Variants in POLR1A observed in about 807,000 individuals in gnomAD.
POLR1A encodes DNA-directed RNA polymerase I subunit RPA1.
Under a neutral mutation model 205.3 loss-of-function variants are expected in POLR1A, and 84 were observed. The observed-to-expected ratio is 0.41, with a 90% CI of 0.34 to 0.49. POLR1A has a LOEUF of 0.49. Ranked by LOEUF, POLR1A falls within the 20% of genes least tolerant of loss-of-function variation. The probability of loss-of-function intolerance (pLI) is 0.22; values close to 1 mark genes in which losing one functional copy is unlikely to be tolerated. For synonymous variants in POLR1A, 799 were observed against 863.7 expected (o/e 0.93, Z 1.31); for missense variants, 1,645 against 2,204.5 (o/e 0.75, Z 5.08).
intron 14 of POLR1A, among the ~76,000 whole-genome samples, chr2:86,055,379 A>G (rs773397558): frequency 9.2e-5 from 14 of 152,328 alleles, no homozygotes; most frequent in Middle Eastern, 3.4e-3. Context: ...AGCAGGGGAC[A>G]ATGGACAACA....
At chr2:86,085,831 G>A (rs751562964) in intron 6 of POLR1A, among the ~76,000 whole-genome samples, 6 of 152,196 alleles carry the variant, frequency 3.9e-5, no homozygotes, top group African/African-American at 7.2e-5. Flanking sequence ...AGCTGTAAGA[G>A]GTGCCATAGG....
rs142891331 is a variant in POLR1A, at chr2:86,031,486, C to G, written c.4422G>C (p.Pro1474=). The G allele has an allele frequency of 6.2e-7, 1 of 1,614,144 alleles. No homozygotes were observed. Among genetic ancestry groups the G allele is most frequent in the South Asian group, 1.1e-5 (1 of 91,086 alleles). ...GCTGCGTCAGGAGGGCGGGAAGGGACGGGTCCTCCTCAGTGCCTAAGCCCA... is the reference window on the plus strand; with the variant it reads ...GCTGCGTCAGGAGGGCGGGAAGGGAGGGGTCCTCCTCAGTGCCTAAGCCCA... ...EEVGLGTEED[P]SLPALLTQPR... The change falls in exon 30 of 34, where the codon CCG becomes CCC. Residue 1474 remains proline (P), a synonymous_variant. Coordinates refer to ENST00000263857, the MANE Select transcript of POLR1A (RefSeq NM_015425.6).
chr2:86,065,510 T>C (rs775347935), intron 13 of POLR1A, 45 bp from the exon 14 acceptor site: 1 of 1,553,730 alleles, frequency 6.4e-7, no homozygotes. Context: ...AAATAAATCT[T>C]AAGTCAAACT....
Position 86,045,332 on chromosome 2 carries a change from C to T in POLR1A, c.2915G>A (p.Arg972Gln), listed in dbSNP as rs1223314253. ...CACAGCAGTGTCCACCAGGCCCTCT[C>T]GTCCTGCCATGCAGTGGAAGAAGAA... is the stretch of plus-strand genomic sequence containing the variant. ...PEFFFHCMAG[R>Q]EGLVDTAVKT... Residue 972 changes from arginine to glutamine, a missense_variant, in exon 21 of 34, where the codon CGA becomes CAA. Coordinates refer to ENST00000263857, the MANE Select transcript of POLR1A (RefSeq NM_015425.6). The T allele has an allele frequency of 1.9e-6, 3 of 1,613,898 alleles. No individual in the cohort carries two copies. Among genetic ancestry groups the T allele is most frequent in the Non-Finnish European group, 2.5e-6 (3 of 1,179,778 alleles).
intron 16 of POLR1A, among the ~76,000 whole-genome samples, chr2:86,049,515 C>G (rs186281735): frequency 5.3e-5 from 8 of 152,306 alleles, no homozygotes; most frequent in African/African-American, 1.9e-4. Context: ...AAAGTAAACC[C>G]AGGCCTGGGT....
chr2:86,054,807 A>C (rs1301028583), intron 14 of POLR1A, among the ~76,000 whole-genome samples: 1 of 152,244 alleles, frequency 6.6e-6, no homozygotes, highest in Non-Finnish European at 1.5e-5. Flanking sequence ...TGCTCTGCAG[A>C]GAGCTCAAAG....
rs747793280 is a variant in POLR1A, at chr2:86,030,222, G to C, written c.4753C>G (p.Leu1585Val). The C allele has an allele frequency of 1.2e-6, 2 of 1,614,148 alleles. No homozygotes were observed. Among genetic ancestry groups the C allele is most frequent in the Non-Finnish European group, 1.7e-6 (2 of 1,179,978 alleles). The stretch of plus-strand genomic sequence containing the variant: ...TCTGCATACTTGAATAGCTCTGGGA[G>C]GTTGATTCCTTCTGTGTTTAGCACA... Reference protein sequence around the residue: ...ELVLNTEGINLPELFKYAEVL... With the variant: ...ELVLNTEGINVPELFKYAEVL... The change falls in exon 31 of 34, where the codon CTC becomes GTC. Residue 1585 changes from leucine (L) to valine (V), a missense_variant. Around this residue, in one of 16 missense-constraint regions of POLR1A, gnomAD observed 394 missense variants for 468.5 expected, o/e 0.84. Transcript: ENST00000263857.
rs548204930 is a variant in POLR1A at position 86,077,361 on chromosome 2, C to A, written c.1380+498G>T. ...CCTGAGAAGCGAAACAGGACCTGGGCAACATGCACACGCCTCTCTCCGGGA... is the reference window on the plus strand; with the variant it reads ...CCTGAGAAGCGAAACAGGACCTGGGAAACATGCACACGCCTCTCTCCGGGA... On this transcript the variant is annotated intron_variant, in intron 11 of 33. Transcript: ENST00000263857. 1.1e-4 allele frequency among the ~76,000 whole-genome samples: 17 copies of A among 152,282 alleles called. No homozygotes were observed. In the South Asian group the frequency reaches 2.7e-3, roughly 24 times the overall value.
intron 3 of POLR1A, among the ~76,000 whole-genome samples, chr2:86,091,276 C>T (rs1465568696): frequency 1.3e-5 from 2 of 152,162 alleles, no homozygotes; most frequent in Non-Finnish European, 2.9e-5. Context: ...TTTATTTTTA[C>T]ATTTATTTTT....
At chr2:86,093,139 T>C (rs903603401) in intron 3 of POLR1A, among the ~76,000 whole-genome samples, 1 of 152,210 alleles carries the variant, frequency 6.6e-6, no homozygotes, top group Non-Finnish European at 1.5e-5. Flanking sequence ...TGAAAAGGTA[T>C]TTGATAAAAT....
In POLR1A at chr2:86,105,816, T is replaced by G; in HGVS notation, c.-40A>C. ...TTGAATTCCGACACCCCAAGAGACG[T>G]TCCACTCACCACCTGACTATTCTTA... is the stretch of plus-strand genomic sequence containing the variant. On this transcript the variant is annotated 5_prime_UTR_variant, in exon 1 of 34. Coordinates refer to ENST00000263857, the MANE Select transcript of POLR1A (RefSeq NM_015425.6). 6.6e-7 allele frequency: 1 copy of G among 1,508,826 alleles called. No individual in the cohort carries two copies. The highest frequency in any genetic ancestry group is 9.2e-7 in the Non-Finnish European group (1 of 1,084,398). The allele number at this position is 1,508,826 out of a possible 1,614,324, so 93.5% of individuals were successfully genotyped here.
chr2:86,056,701 C>T (rs889450518), intron 14 of POLR1A, among the ~76,000 whole-genome samples: 3 of 151,732 alleles, frequency 2.0e-5, no homozygotes, highest in Non-Finnish European at 4.4e-5. Context: ...GAACATTTAC[C>T]ATTGTGAAAA....
rs1420419822 is a variant in POLR1A, at chr2:86,028,878, G to A, written c.4780-167C>T. The A allele has an allele frequency of 1.3e-5, 8 of 598,304 alleles. No homozygotes were observed. The South Asian group carries it at 1.6e-4, about 12-fold the overall frequency. The allele number at this position is 598,304 out of a possible 1,614,324, so 37.1% of individuals were successfully genotyped here. On this transcript the variant is annotated intron_variant, in intron 31 of 33. Coordinates refer to ENST00000263857, the MANE Select transcript of POLR1A (RefSeq NM_015425.6). This position sits in a 1 kb window ranked among gnomAD's most constrained non-coding sequence, Gnocchi z 4.5. Reference sequence around the variant, plus strand: ...CAGGATTAGCAGAAGGAAATGGCTAGGCAGAGCTGCTGACGGCTCGCTGGC... The same window carrying A: ...CAGGATTAGCAGAAGGAAATGGCTAAGCAGAGCTGCTGACGGCTCGCTGGC...
At chr2:86,088,537 G>A in intron 6 of POLR1A, 29 bp downstream of exon 6, 1 of 1,407,188 alleles carries the variant, frequency 7.1e-7, no homozygotes. Flanking sequence ...GCCTCACATG[G>A]AGCTCCTCTC....
At position 86,031,656 on chromosome 2, in the gene POLR1A, G is replaced by A. The variant is rs770470729; in HGVS notation, c.4273-21C>T. The A allele has an allele frequency of 3.1e-6, 5 of 1,595,216 alleles. No homozygotes were observed. The South Asian group carries it at 5.7e-5, about 18-fold the overall frequency. On this transcript the variant is annotated intron_variant, in intron 29 of 33. Transcript: ENST00000263857. ...TCAACCTGGCAGAAAAGGGAGCACA[G>A]GCTGTGTCACTTGGGGACCCACCAT...
At chr2:86,051,626 A>G (rs943872432) in intron 16 of POLR1A, among the ~76,000 whole-genome samples, 1 of 152,186 alleles carries the variant, frequency 6.6e-6, no homozygotes, top group Non-Finnish European at 1.5e-5. Context: ...GCGTCCCCCT[A>G]ACGCGAACAG....
chr2:86,068,090 G>A (rs1673112837), intron 13 of POLR1A, among the ~76,000 whole-genome samples: 1 of 152,136 alleles, frequency 6.6e-6, no homozygotes, highest in Non-Finnish European at 1.5e-5. Context: ...TAAGCATGAA[G>A]TCTCCTATGG....
At chr2:86,076,660 G>A (rs1452085219) in intron 11 of POLR1A, among the ~76,000 whole-genome samples, 1 of 152,142 alleles carries the variant, frequency 6.6e-6, no homozygotes, top group Non-Finnish European at 1.5e-5. Flanking sequence ...GTGACTTCGG[G>A]GTCTCTCCTC....
intron 13 of POLR1A, among the ~76,000 whole-genome samples, chr2:86,067,866 T>C (rs1039020679): frequency 1.3e-5 from 2 of 152,186 alleles, no homozygotes; most frequent in African/African-American, 4.8e-5. Flanking sequence ...CAAAAGCTCT[T>C]TACCTCCGAC....
Sources: allele counts gnomAD v4.1 joint callset (sites outside exome capture counted in the v4.1 genomes callset), GRCh38; gene constraint gnomAD v4.1.1; regional missense constraint gnomAD v4.1.1; non-coding constraint Gnocchi (gnomAD v3.1); transcripts MANE v1.5; gene names NCBI Gene and HGNC (gene_info 2026-07-23, HGNC 2026-07-21).